The following PARN variants were observed in gnomAD, a reference collection of about 807,000 sequenced individuals.
PARN encodes poly(A)-specific ribonuclease.
In PARN, 71 loss-of-function variants were observed where a neutral mutation model predicts 102.8. That is an observed-to-expected ratio of 0.69 (90% CI 0.57 to 0.84). The LOEUF (loss-of-function observed/expected upper bound fraction) is 0.84. Ranked by LOEUF, PARN falls within the 40% of genes least tolerant of loss-of-function variation. The pLI, the probability that PARN is intolerant of heterozygous loss-of-function variation, is 0.00. For synonymous variants in PARN, 261 were observed against 252.9 expected, an observed-to-expected ratio of 1.03 and a Z score of -0.30; for missense variants, 782 against 760.9, an observed-to-expected ratio of 1.03 and a Z score of -0.33.
intron 21 of PARN, among the ~76,000 whole-genome samples, chr16:14,507,502 A>T (rs60118328): frequency 0.12 from 17,748 of 151,426 alleles, 1,081 homozygotes; most frequent in East Asian, 0.22. Flanking sequence ...TATGAGACCG[A>T]CCTGGCCAAC....
intron 21 of PARN, among the ~76,000 whole-genome samples, chr16:14,516,468 A>G (rs1965461627): frequency 6.6e-6 from 1 of 152,242 alleles, no homozygotes; most frequent in African/African-American, 2.4e-5. Flanking sequence ...ACTTAAAAAA[A>G]AATTCAGCGC....
chr16:14,436,385 G>A lies in PARN; in HGVS notation c.*332C>T, dbSNP rs747274704. On this transcript the variant is annotated 3_prime_UTR_variant, in exon 24 of 24. Coordinates refer to ENST00000437198, the MANE Select transcript of PARN (RefSeq NM_002582.4). The stretch of plus-strand genomic sequence containing the variant: ...AGCTCTTTTTGCAGATTTCACAGCC[G>A]ACACTCCCCATCAGGCAGGTTCTTA... The A allele has an allele frequency of 1.4e-4, 46 of 327,942 alleles. 1 individual carries two copies. In the Middle Eastern group the frequency reaches 4.3e-3, roughly 31 times the overall value. The allele number at this position is 327,942 out of a possible 1,614,324, so 20.3% of individuals were successfully genotyped here.
intron 22 of PARN, among the ~76,000 whole-genome samples, chr16:14,472,726 A>G (rs1171430947): frequency 1.3e-5 from 2 of 152,242 alleles, no homozygotes. Flanking sequence ...TACATCCAGC[A>G]ACATTATACA....
chr16:14,550,023 G>A (rs772486507), intron 21 of PARN, among the ~76,000 whole-genome samples: 5 of 152,150 alleles, frequency 3.3e-5, no homozygotes, highest in Admixed American at 6.5e-5. Context: ...CAATGTCACC[G>A]AGTGTGGCTA....
intron 21 of PARN, among the ~76,000 whole-genome samples, chr16:14,518,393 C>T (rs1439130538): frequency 2.0e-5 from 3 of 150,324 alleles, no homozygotes; most frequent in Non-Finnish European, 4.4e-5. Flanking sequence ...AACATATTGG[C>T]TATACCAATA....
rs1171761147 is a variant in PARN, at chr16:14,436,722, A to G, written c.1915T>C (p.Trp639Arg). ...PATLFEVPDT[W>R] Reference sequence around the variant, plus strand: ...TTGCTGCCCTCAGGTCTTGGTTACCATGTGTCAGGAACTTCAAAGAGTGTG... The same window carrying G: ...TTGCTGCCCTCAGGTCTTGGTTACCGTGTGTCAGGAACTTCAAAGAGTGTG... Residue 639 changes from tryptophan (W) to arginine (R), a missense_variant, in exon 24 of 24, where the codon TGG (tryptophan) becomes CGG (arginine). Physicochemically the swap from Trp to Arg is moderately radical, Grantham distance 101. Coordinates refer to ENST00000437198, the MANE Select transcript of PARN (RefSeq NM_002582.4). The G allele has an allele frequency of 1.2e-6, 2 of 1,600,614 alleles. No homozygotes were observed. The highest frequency in any genetic ancestry group is 3.5e-5 in the Admixed American group (2 of 57,904).
chr16:14,615,872 G>A (rs1971864224), intron 6 of PARN, among the ~76,000 whole-genome samples: 1 of 149,566 alleles, frequency 6.7e-6, no homozygotes, highest in Non-Finnish European at 1.5e-5. Flanking sequence ...TTGCACTCCA[G>A]CCTGGGCGAC....
chr16:14,509,529 G>A (rs1442774728), intron 21 of PARN, among the ~76,000 whole-genome samples: 1 of 152,070 alleles, frequency 6.6e-6, no homozygotes, highest in African/African-American at 2.4e-5. Flanking sequence ...AAGGACCTTT[G>A]GAAGATGCAA....
chr16:14,628,606 C>G (rs1192690891), intron 2 of PARN, among the ~76,000 whole-genome samples: 5 of 152,160 alleles, frequency 3.3e-5, no homozygotes, highest in African/African-American at 4.8e-5. Flanking sequence ...TATATTATTG[C>G]CAGAGTTCCA....
At chr16:14,454,677 A>T (rs554138595) in intron 22 of PARN, among the ~76,000 whole-genome samples, 7 of 152,360 alleles carry the variant, frequency 4.6e-5, no homozygotes, top group Admixed American at 1.3e-4. Flanking sequence ...TCCTTCGCCT[A>T]CTGGATTACC....
At chr16:14,452,917 C>A (rs1225630622) in intron 22 of PARN, among the ~76,000 whole-genome samples, 1 of 152,162 alleles carries the variant, frequency 6.6e-6, no homozygotes, top group Non-Finnish European at 1.5e-5. Flanking sequence ...GTAACACTGC[C>A]TTTACAAATG....
chr16:14,590,068 T>C (rs1418641504), intron 13 of PARN, among the ~76,000 whole-genome samples: 1 of 150,960 alleles, frequency 6.6e-6, no homozygotes, highest in Non-Finnish European at 1.5e-5. Context: ...CTTGCCAACA[T>C]GGTGAAACCC....
At chr16:14,609,330 C>T (rs1237182596) in intron 7 of PARN, among the ~76,000 whole-genome samples, 1 of 152,084 alleles carries the variant, frequency 6.6e-6, no homozygotes, top group African/African-American at 2.4e-5. Flanking sequence ...TTTGGGAGGT[C>T]GACGTTGGGT....
At position 14,582,175 on chromosome 16, in the gene PARN, G is replaced by A. The variant is rs201899945; in HGVS notation, c.1192+6C>T. On this transcript the variant is annotated splice_donor_region_variant and intron_variant, in intron 17 of 23. Coordinates refer to ENST00000437198, the MANE Select transcript of PARN (RefSeq NM_002582.4). ...CGTGTTTGACTGAAAGACATGTAAT[G>A]CGTACCTAGGTAATTGGCCATGGAG... The A allele has an allele frequency of 5.8e-6, 9 of 1,551,082 alleles. No individual in the cohort carries two copies. The highest frequency in any genetic ancestry group is 8.0e-6 in the Non-Finnish European group (9 of 1,122,428).
At chr16:14,505,670 T>C (rs370036040) in intron 21 of PARN, among the ~76,000 whole-genome samples, 338 of 152,262 alleles carry the variant, frequency 2.2e-3, no homozygotes, top group African/African-American at 7.4e-3. Context: ...TAATAACCAA[T>C]GGTTCATTAA....
Position 14,554,084 on chromosome 16 carries a change from G to A in PARN, c.1386C>T (p.Tyr462=), listed in dbSNP as rs1315610382. ...FPKEWKTSDL[Y]QLFSAFGNIQ... is the part of the protein sequence containing the mutation. Reference sequence around the variant, plus strand: ...ACTTACCAAAGGCACTGAAAAGCTGGTAAAGGTCGCTGGTTTTCCATTCTT... The same window carrying A: ...ACTTACCAAAGGCACTGAAAAGCTGATAAAGGTCGCTGGTTTTCCATTCTT... Residue 462 remains tyrosine, a synonymous_variant, in exon 20 of 24, where the codon TAC becomes TAT. Coordinates refer to ENST00000437198, the MANE Select transcript of PARN (RefSeq NM_002582.4). The A allele has an allele frequency of 1.2e-6, 2 of 1,612,394 alleles. No individual in the cohort carries two copies. The highest frequency in any genetic ancestry group is 2.2e-5 in the South Asian group (2 of 90,584).
At chr16:14,574,298 A>G (rs112179660) in intron 18 of PARN, among the ~76,000 whole-genome samples, 7,414 of 152,296 alleles carry the variant, frequency 0.049, 241 homozygotes, top group Middle Eastern at 0.092. Flanking sequence ...GGTATCTGGC[A>G]GAAGAAATTT....
In PARN at chr16:14,599,957, C is replaced by G. The variant is rs761977483; in HGVS notation, c.787G>C (p.Glu263Gln). 1 of 1,575,790 alleles carries G rather than the reference C, an allele frequency of 6.3e-7. No individual in the cohort carries two copies. The highest frequency in any genetic ancestry group is 1.8e-5 in the Admixed American group (1 of 57,118). Reference protein sequence around the residue: ...EQQKHAKEQEELNDAVGFSRV... With the variant: ...EQQKHAKEQEQLNDAVGFSRV... ...GAAAATCCCACAGCATCATTCAGCT[C>G]CTCCTAATTAAAAAAATATATACAT... Residue 263 changes from glutamate to glutamine, a missense_variant, in exon 12 of 24, where the codon GAG becomes CAG. Physicochemically the swap from Glu to Gln is conservative, Grantham distance 29 (BLOSUM62 2). Transcript: ENST00000437198.
At chr16:14,475,241 G>C (rs1273503657) in intron 22 of PARN, among the ~76,000 whole-genome samples, 2 of 152,202 alleles carry the variant, frequency 1.3e-5, no homozygotes, top group Non-Finnish European at 2.9e-5. Context: ...CCTTTAATTA[G>C]AGAACATTAC....
Sources: gnomAD v4.1 joint callset for allele counts (sites outside exome capture counted in the v4.1 genomes callset) on GRCh38, gnomAD v4.1.1 for gene constraint, MANE v1.5 for transcripts, NCBI Gene and HGNC (gene_info 2026-07-23, HGNC 2026-07-21) for gene names.